The following POU2F1 variants were observed in gnomAD, a reference collection of about 807,000 sequenced individuals.
POU2F1 encodes POU domain, class 2, transcription factor 1.
In POU2F1, 16 loss-of-function variants were observed where a neutral mutation model predicts 84.9. That is an observed-to-expected ratio of 0.19 (90% CI 0.13 to 0.29). The LOEUF (loss-of-function observed/expected upper bound fraction) is 0.29. Among genes scored for constraint, POU2F1 ranks in the 10% least tolerant of loss-of-function variants. The pLI, the probability that POU2F1 is intolerant of heterozygous loss-of-function variation, is 1.00. For missense variants in POU2F1, 738 were observed against 942.6 expected (o/e 0.78, Z 2.84); for synonymous variants, 368 against 368.3 (o/e 1.00, Z 0.01).
chr1:167,233,665 T>TA (rs1649238540), intron 1 of POU2F1, among the ~76,000 whole-genome samples: 1 of 152,204 alleles, frequency 6.6e-6, no homozygotes, highest in Non-Finnish European at 1.5e-5. Context: ...TAACTGCACA[T>TA]ACAATTCTTG....
chr1:167,275,439 T>G (rs1396436705), intron 1 of POU2F1, among the ~76,000 whole-genome samples: 1 of 152,208 alleles, frequency 6.6e-6, no homozygotes, highest in African/African-American at 2.4e-5. Flanking sequence ...TACATCATTC[T>G]TCAGTATGAC....
intron 6 of POU2F1, 61 bp from the exon 7 acceptor site, chr1:167,375,968 T>C (rs939228067): frequency 5.2e-5 from 83 of 1,593,160 alleles, no homozygotes; most frequent in Non-Finnish European, 7.1e-5. Context: ...CTGGAAGCCT[T>C]ATAATTAAGC....
At chr1:167,404,873 CCT>C (rs1649465894) in intron 13 of POU2F1, among the ~76,000 whole-genome samples, 1 of 152,146 alleles carries the variant, frequency 6.6e-6, no homozygotes, top group Non-Finnish European at 1.5e-5. Flanking sequence ...AATCTCAAAA[CCT>C]CTGATACCTG....
At chr1:167,349,253 C>T (rs1658401292) in intron 2 of POU2F1, among the ~76,000 whole-genome samples, 1 of 152,072 alleles carries the variant, frequency 6.6e-6, no homozygotes, top group African/African-American at 2.4e-5. Flanking sequence ...ACCTTGCCTT[C>T]TCCCTTTCCC....
chr1:167,322,742 T>C (rs1356402819), intron 1 of POU2F1, among the ~76,000 whole-genome samples: 1 of 152,228 alleles, frequency 6.6e-6, no homozygotes, highest in Non-Finnish European at 1.5e-5. Context: ...AACAAAGCTT[T>C]ACCCACATAT....
Position 167,412,290 on chromosome 1 carries a change from A to C in POU2F1, c.1887A>C (p.Ser629=), listed in dbSNP as rs1650021736. 1.3e-6 allele frequency: 2 copies of C among 1,550,972 alleles called. No homozygotes were observed. Among genetic ancestry groups the C allele is most frequent in the Non-Finnish European group, 1.7e-6 (2 of 1,144,102 alleles). Reference sequence around the variant, plus strand: ...TAAACCCAAGCCTGATGGCACCCTCACAGTTTGCGGCTGGGTAAGGCGCTT... The same window carrying C: ...TAAACCCAAGCCTGATGGCACCCTCCCAGTTTGCGGCTGGGTAAGGCGCTT... The part of the protein sequence containing the change: ...AGLNPSLMAP[S]QFAAGGALLS... The change falls in exon 14 of 16, where the codon TCA becomes TCC. Residue 629 remains serine (S), a synonymous_variant. Coordinates refer to ENST00000367866, the MANE Select transcript of POU2F1 (RefSeq NM_002697.4).
intron 1 of POU2F1, among the ~76,000 whole-genome samples, chr1:167,309,718 AT>A (rs1161598076): frequency 2.0e-5 from 3 of 152,180 alleles, no homozygotes. Flanking sequence ...ATTCTTTGAG[AT>A]TTTTAAAATT....
intron 2 of POU2F1, among the ~76,000 whole-genome samples, chr1:167,348,445 A>G (rs1027070359): frequency 2.0e-5 from 3 of 152,162 alleles, no homozygotes; most frequent in African/African-American, 7.2e-5. Context: ...ACCATTTTAT[A>G]TTTCCACAAT....
At chr1:167,389,965 A>C (rs752744542) in intron 9 of POU2F1, among the ~76,000 whole-genome samples, 1 of 152,230 alleles carries the variant, frequency 6.6e-6, no homozygotes, top group Non-Finnish European at 1.5e-5. Flanking sequence ...AACAATTTAC[A>C]TAGCATTTAC....
intron 1 of POU2F1, among the ~76,000 whole-genome samples, chr1:167,287,584 A>G (rs1557870094): frequency 6.6e-6 from 1 of 152,252 alleles, no homozygotes; most frequent in African/African-American, 2.4e-5. Flanking sequence ...AAATTAACAT[A>G]TGTAGTACTG....
intron 1 of POU2F1, among the ~76,000 whole-genome samples, chr1:167,234,253 A>G (rs1557834316): frequency 6.6e-6 from 1 of 152,210 alleles, no homozygotes; most frequent in Non-Finnish European, 1.5e-5. Context: ...TGTGCTCTAG[A>G]ATCAATTGTG....
intron 1 of POU2F1, among the ~76,000 whole-genome samples, chr1:167,320,787 C>T (rs573330011): frequency 1.4e-4 from 21 of 152,290 alleles, no homozygotes; most frequent in South Asian, 1.0e-3. Flanking sequence ...GAGCCTTATA[C>T]GCTTGCTTCT....
Position 167,419,791 on chromosome 1 carries a change from A to G in POU2F1, c.*3981A>G, listed in dbSNP as rs1484055020. The G allele has an allele frequency of 6.6e-6, 1 of 152,230 alleles. No individual in the cohort carries two copies. The highest frequency in any genetic ancestry group is 1.5e-5 in the Non-Finnish European group (1 of 68,036). The allele number at this position is 152,230 out of a possible 1,614,324, so 9.4% of individuals were successfully genotyped here. On this transcript the variant is annotated 3_prime_UTR_variant, in exon 16 of 16. Coordinates refer to ENST00000367866, the MANE Select transcript of POU2F1 (RefSeq NM_002697.4). ...ACTTGTTACCCAAGAAATGGAACCA[A>G]AGGAATCCAACTTTCATTTTGTGTA...
chr1:167,240,684 A>G (rs182837661), intron 1 of POU2F1, among the ~76,000 whole-genome samples: 143 of 152,318 alleles, frequency 9.4e-4, no homozygotes, highest in Middle Eastern at 6.8e-3. Context: ...GTGCTTCTGC[A>G]TAAACATATT....
intron 1 of POU2F1, chr1:167,329,276 G>A (rs532684491): frequency 1.9e-6 from 3 of 1,548,116 alleles, no homozygotes; most frequent in Non-Finnish European, 2.6e-6. Context: ...AGATTTCACA[G>A]CAATGCTGGA....
At chr1:167,250,853 C>T (rs929829082) in intron 1 of POU2F1, among the ~76,000 whole-genome samples, 5 of 152,088 alleles carry the variant, frequency 3.3e-5, no homozygotes, top group Non-Finnish European at 5.9e-5. Context: ...TTTTATTTCT[C>T]CAAATTTTGT....
chr1:167,261,333 C>G (rs1244756332), intron 1 of POU2F1, among the ~76,000 whole-genome samples: 3 of 152,116 alleles, frequency 2.0e-5, no homozygotes, highest in African/African-American at 7.2e-5. Flanking sequence ...TTTTGGAAAA[C>G]TATTTTTGTG....
At chr1:167,364,566 TTTC>T (rs1452104584) in intron 2 of POU2F1, among the ~76,000 whole-genome samples, 2 of 147,456 alleles carry the variant, frequency 1.4e-5, no homozygotes, top group African/African-American at 2.5e-5. Flanking sequence ...AACATTTTTT[TTTC>T]TTTCTTTCTT....
At chr1:167,410,744 G>A (rs1649906475) in intron 13 of POU2F1, among the ~76,000 whole-genome samples, 2 of 152,010 alleles carry the variant, frequency 1.3e-5, no homozygotes, top group Non-Finnish European at 2.9e-5. Flanking sequence ...TCGAGCTCCT[G>A]ACCTCAAATG....
Sources: gnomAD v4.1 joint callset for allele counts (sites outside exome capture counted in the v4.1 genomes callset) on GRCh38, gnomAD v4.1.1 for gene constraint, MANE v1.5 for transcripts, NCBI Gene and HGNC (gene_info 2026-07-23, HGNC 2026-07-21) for gene names.